The following DCAF12 variants were observed in gnomAD, a reference collection of about 807,000 sequenced individuals.
The protein encoded by DCAF12 is DDB1- and CUL4-associated factor 12.
In DCAF12, 28 loss-of-function variants were observed where a neutral mutation model predicts 52.8. The observed-to-expected ratio is 0.53, with a 90% CI of 0.39 to 0.73. DCAF12 has a LOEUF of 0.73. Among genes scored for constraint, DCAF12 ranks in the 30% least tolerant of loss-of-function variants. DCAF12 has a pLI of 0.00. For missense variants in DCAF12, 425 were observed against 552.2 expected (o/e 0.77, Z 2.31); for synonymous variants, 196 against 215.5 (o/e 0.91, Z 0.79).
chr9:34,124,862 A>G (rs2275003), intron 2 of DCAF12, among the ~76,000 whole-genome samples, 161 bp downstream of exon 2: 71,210 of 151,996 alleles, frequency 0.47, 17,263 homozygotes, highest in South Asian at 0.6. Flanking sequence ...GAAAAAAGGA[A>G]CACGAAAAGA....
chr9:34,113,501 A>G (rs1829038571), intron 2 of DCAF12, among the ~76,000 whole-genome samples: 1 of 151,436 alleles, frequency 6.6e-6, no homozygotes, highest in South Asian at 2.1e-4. Flanking sequence ...CACTGTGCCC[A>G]GCTAATTTTT....
intron 2 of DCAF12, among the ~76,000 whole-genome samples, chr9:34,112,531 T>C (rs1327827624): frequency 2.7e-5 from 4 of 147,594 alleles, no homozygotes; most frequent in Non-Finnish European, 4.5e-5. Context: ...GAGGTGGAGG[T>C]TGCAATGAGC....
chr9:34,105,760 T>C (rs1031358054), intron 4 of DCAF12, among the ~76,000 whole-genome samples: 2 of 151,808 alleles, frequency 1.3e-5, no homozygotes, highest in African/African-American at 2.4e-5. Context: ...CCATCCTTTT[T>C]TTTTTTTTGA....
At chr9:34,110,589 A>G (rs1264472443) in intron 2 of DCAF12, among the ~76,000 whole-genome samples, 1 of 152,214 alleles carries the variant, frequency 6.6e-6, no homozygotes, top group Non-Finnish European at 1.5e-5. Flanking sequence ...GATACTTAGC[A>G]TGGCATTAAG....
rs1182629946 is a variant in DCAF12, at chr9:34,087,481, A to C, written c.*869T>G. The C allele has an allele frequency of 6.6e-6, 1 of 152,262 alleles. No individual in the cohort carries two copies. The highest frequency in any genetic ancestry group is 1.5e-5 in the Non-Finnish European group (1 of 68,106). The allele number at this position is 152,262 out of a possible 1,614,324, so 9.4% of individuals were successfully genotyped here. A position where few individuals can be genotyped will look rare whatever the true frequency, so the allele number is the denominator to read the frequency against. On this transcript the variant is annotated 3_prime_UTR_variant, in exon 9 of 9. Transcript: ENST00000361264. ...TAGGATGGGGATTCAAGTCCCATGAAGCCTTTTGTAGCCTCTGGAGCTGCA... is the reference window on the plus strand; with the variant it reads ...TAGGATGGGGATTCAAGTCCCATGACGCCTTTTGTAGCCTCTGGAGCTGCA...
intron 2 of DCAF12, among the ~76,000 whole-genome samples, chr9:34,118,259 G>A (rs758521183): frequency 3.3e-5 from 5 of 152,002 alleles, no homozygotes; most frequent in Admixed American, 6.6e-5. Flanking sequence ...TCAGACTCCC[G>A]AGTAGCCGGG....
chr9:34,108,293 T>G (rs2131435455), intron 2 of DCAF12, among the ~76,000 whole-genome samples: 1 of 152,362 alleles, frequency 6.6e-6, no homozygotes, highest in South Asian at 2.1e-4. Context: ...TATTTTCCAG[T>G]ACTGTTCTAA....
intron 2 of DCAF12, among the ~76,000 whole-genome samples, chr9:34,119,341 C>T (rs1829136600): frequency 2.0e-5 from 3 of 152,088 alleles, no homozygotes; most frequent in African/African-American, 7.2e-5. Flanking sequence ...TCAGAATTTT[C>T]TCTCTTTTAA....
Position 34,120,203 on chromosome 9 carries a change from C to CAAA in DCAF12, c.333+4817_333+4819dup, listed in dbSNP as rs34481024. 2.3e-4 allele frequency among the ~76,000 whole-genome samples: 6 copies of CAAA among 26,226 alleles called. 1 individual carries two copies. The highest frequency in any genetic ancestry group is 5.7e-4 in the African/African-American group (3 of 5,304). The allele number at this position is 26,226 out of a possible 152,430, so 17.2% of individuals were successfully genotyped here. A position where few individuals can be genotyped will look rare whatever the true frequency, so the allele number is the denominator to read the frequency against. On this transcript the variant is annotated intron_variant, in intron 2 of 8. Coordinates refer to ENST00000361264, the MANE Select transcript of DCAF12 (RefSeq NM_015397.4). ...GGGCAACAAGAATGAAAGTCCGTCT[C>CAAA]AAAAAAAAAAAAAAAAAAAAAAAAA...
intron 4 of DCAF12, among the ~76,000 whole-genome samples, chr9:34,103,459 C>T (rs868258541): frequency 6.6e-6 from 1 of 151,354 alleles, no homozygotes; most frequent in African/African-American, 2.4e-5. Flanking sequence ...CATTCAGAAA[C>T]AATCCACTAT....
chr9:34,102,304 CTG>C (rs1828841387), intron 4 of DCAF12, among the ~76,000 whole-genome samples: 1 of 151,582 alleles, frequency 6.6e-6, no homozygotes, highest in Non-Finnish European at 1.5e-5. Flanking sequence ...AGAATAATGA[CTG>C]TTTTATATAA....
chr9:34,120,203 CAAAAAAAAAAAAAAAAAA>C (rs34481024), intron 2 of DCAF12, among the ~76,000 whole-genome samples: 2 of 26,200 alleles, frequency 7.6e-5, no homozygotes, highest in Non-Finnish European at 1.2e-4. Context: ...AAGTCCGTCT[CAAAAAAAAAAAAAAAAAA>C]AAAAAAAAAA....
intron 6 of DCAF12, 53 bp from the exon 7 acceptor site, chr9:34,093,501 G>T: frequency 6.3e-7 from 1 of 1,592,842 alleles, no homozygotes; most frequent in Non-Finnish European, 8.6e-7. Context: ...GGTAAGGCAG[G>T]GATATTGTTT....
chr9:34,092,641 A>C (rs1828662841), intron 7 of DCAF12, among the ~76,000 whole-genome samples: 1 of 151,694 alleles, frequency 6.6e-6, no homozygotes, highest in Admixed American at 6.6e-5. Flanking sequence ...AGCTGAGATC[A>C]CGCCACTACA....
chr9:34,100,167 T>G (rs1211091975), intron 4 of DCAF12, among the ~76,000 whole-genome samples: 1 of 150,768 alleles, frequency 6.6e-6, no homozygotes, highest in Non-Finnish European at 1.5e-5. Flanking sequence ...CCTGAGTAGC[T>G]AATACAACAG....
chr9:34,118,896 C>T (rs150436123), intron 2 of DCAF12, among the ~76,000 whole-genome samples: 106 of 152,186 alleles, frequency 7.0e-4, no homozygotes, highest in African/African-American at 2.5e-3. Context: ...ACCTGGGAGG[C>T]GGAGATTGCA....
chr9:34,102,487 C>A (rs1464871784), intron 4 of DCAF12, among the ~76,000 whole-genome samples: 1 of 151,578 alleles, frequency 6.6e-6, no homozygotes, highest in Non-Finnish European at 1.5e-5. Flanking sequence ...ATGGTGAAAC[C>A]CTGTCTCTAC....
chr9:34,105,831 C>T (rs558039099), intron 4 of DCAF12, among the ~76,000 whole-genome samples: 49 of 151,648 alleles, frequency 3.2e-4, no homozygotes, highest in Non-Finnish European at 5.2e-4. Flanking sequence ...TCACTGCAAC[C>T]TCTGCCTGCC....
At chr9:34,095,802 T>A (rs1389514569) in intron 6 of DCAF12, 1 of 152,200 alleles carries the variant, frequency 6.6e-6, no homozygotes, top group Non-Finnish European at 1.5e-5. Flanking sequence ...TTGATCGATC[T>A]TCAATTGCCA....
Sources: gnomAD v4.1 joint callset for allele counts (sites outside exome capture counted in the v4.1 genomes callset) on GRCh38, gnomAD v4.1.1 for gene constraint, MANE v1.5 for transcripts, NCBI Gene and HGNC (gene_info 2026-07-23, HGNC 2026-07-21) for gene names.